Variants in RHOT2 observed in about 807,000 individuals in gnomAD.
RHOT2 encodes ras homolog family member T2.
A neutral mutation model predicts 81.6 loss-of-function variants in RHOT2; 90 were observed. That is an observed-to-expected ratio of 1.10 (90% CI 0.93 to 1.31). RHOT2 has a LOEUF of 1.31. Among genes scored for constraint, RHOT2 ranks in the 40% most tolerant of loss-of-function variants. The probability of loss-of-function intolerance (pLI) is 0.00; values close to 1 mark genes in which losing one functional copy is unlikely to be tolerated. For synonymous variants in RHOT2, 512 were observed against 370.9 expected (o/e 1.38, Z -4.37); for missense variants, 1,014 against 841.9 (o/e 1.20, Z -2.53).
rs754061357 is a variant in RHOT2 at position 670,976 on chromosome 16, C to T, written c.724C>T (p.Arg242Trp). 5.7e-6 allele frequency: 9 copies of T among 1,570,760 alleles called. No homozygotes were observed. Among genetic ancestry groups the T allele is most frequent in the South Asian group, 1.2e-5 (1 of 85,974 alleles). The change falls in exon 10 of 19, where the codon CGG (arginine) becomes TGG (tryptophan). Residue 242 changes from arginine to tryptophan, a missense_variant. Physicochemically the swap from Arg to Trp is moderately radical, Grantham distance 101. Coordinates refer to ENST00000315082, the MANE Select transcript of RHOT2 (RefSeq NM_138769.3). ...GTGCAGGAACGTGGCGGGCGGCGTG[C>T]GGGAGGACCGGCTGACCCTGGATGG... ...VVCRNVAGGV[R>W]EDRLTLDGFL...
chr16:671,280 A>T (rs2038893390), intron 11 of RHOT2, 77 bp downstream of exon 11: 1 of 1,484,460 alleles, frequency 6.7e-7, no homozygotes, highest in Non-Finnish European at 8.9e-7. Flanking sequence ...CCCCTCCATG[A>T]GTGACGCTGG....
chr16:673,512 C>A lies in RHOT2; in HGVS notation c.1763C>A (p.Ser588Tyr), dbSNP rs897387617. 5 of 1,612,594 alleles carry A rather than the reference C, an allele frequency of 3.1e-6. No individual in the cohort carries two copies. The East Asian group carries it at 8.9e-5, about 29-fold the overall frequency. ...GTCCACGCAGAGCTGCATCCCTCTTCCTTCTGGCTCCGGGGGCTGCTGGGG... is the reference window on the plus strand; with the variant it reads ...GTCCACGCAGAGCTGCATCCCTCTTACTTCTGGCTCCGGGGGCTGCTGGGG... ...HLVHAELHPS[S>Y]FWLRGLLGVV... The change falls in exon 19 of 19, where the codon TCC becomes TAC. Residue 588 changes from serine to tyrosine, a missense_variant. Coordinates refer to ENST00000315082, the MANE Select transcript of RHOT2 (RefSeq NM_138769.3).
intron 9 of RHOT2, 22 bp downstream of exon 9, chr16:670,795 G>A (rs529398089): frequency 4.3e-6 from 7 of 1,610,140 alleles, no homozygotes; most frequent in Non-Finnish European, 5.9e-6. Context: ...CCCCACCCTC[G>A]GTGCCCAGCC....
intron 5 of RHOT2, chr16:669,810 A>G (rs571553369): frequency 7.9e-6 from 5 of 632,046 alleles, no homozygotes; most frequent in African/African-American, 7.3e-5. Context: ...AGTCTGAGCC[A>G]TTGAGGCCGG....
intron 17 of RHOT2, 42 bp from the exon 18 acceptor site, chr16:672,886 G>A (rs757232892): frequency 5.4e-5 from 87 of 1,612,244 alleles, no homozygotes; most frequent in Admixed American, 4.7e-4. Flanking sequence ...GCTGTGCCTC[G>A]GCCACCCCAG....
intron 4 of RHOT2, chr16:668,974 CTG>C: frequency 1.9e-6 from 1 of 521,070 alleles, no homozygotes; most frequent in Non-Finnish European, 3.4e-6. Flanking sequence ...CCTGTGGGCT[CTG>C]TGTGCGCCAC....
Position 668,984 on chromosome 16 carries a change from C to T in RHOT2, c.222+285C>T, listed in dbSNP as rs532930564. 202 of 514,128 alleles carry T rather than the reference C, an allele frequency of 3.9e-4. 2 individuals carry two copies. The highest frequency in any genetic ancestry group is 3.9e-3 in the African/African-American group (196 of 49,932). The allele number at this position is 514,128 out of a possible 1,614,324, so 31.8% of individuals were successfully genotyped here. On this transcript the variant is annotated intron_variant, in intron 4 of 18. Transcript: ENST00000315082. ...CTCTTCCTGTGGGCTCTGTGTGCGC[C>T]ACGTCCCCGTGCTGTGTGCTCCAGC...
Position 673,853 on chromosome 16 carries a change from C to A in RHOT2, c.*247C>A. ...TGAGCAGGAGCTCCCAAGTGCCGGC[C>A]ACCGCTGTCAGGGATTGCCCACCCC... is the stretch of plus-strand genomic sequence containing the variant. On this transcript the variant is annotated 3_prime_UTR_variant, in exon 19 of 19. Transcript: ENST00000315082. 1 of 611,860 alleles carries A rather than the reference C, an allele frequency of 1.6e-6. No homozygotes were observed. The highest frequency in any genetic ancestry group is 2.9e-6 in the Non-Finnish European group (1 of 339,000). 37.9% of individuals were successfully genotyped at this position (611,860 alleles called of 1,614,324 possible).
Position 670,696 on chromosome 16 carries a change from G to GCGCTGACGCGCATCTT in RHOT2, c.564_579dup (p.Arg194AlafsTer18). The stretch of plus-strand genomic sequence containing the variant: ...ACAGTTGAGGCCCGCGTGCGCCCAG[G>GCGCTGACGCGCATCTT]CGCTGACGCGCATCTTCAGGCTCTC... On this transcript the variant is annotated frameshift_variant, in exon 9 of 19. Transcript: ENST00000315082. LOFTEE classifies it high-confidence loss of function. 6.2e-7 allele frequency: 1 copy of GCGCTGACGCGCATCTT among 1,612,342 alleles called. No homozygotes were observed. Among genetic ancestry groups the GCGCTGACGCGCATCTT allele is most frequent in the South Asian group, 1.1e-5 (1 of 91,088 alleles).
At position 670,361 on chromosome 16, in the gene RHOT2, A is replaced by C; in HGVS notation, c.438+4A>C. The C allele has an allele frequency of 6.2e-7, 1 of 1,612,310 alleles. No homozygotes were observed. Among genetic ancestry groups the C allele is most frequent in the Non-Finnish European group, 8.5e-7 (1 of 1,179,560 alleles). On this transcript the variant is annotated splice_donor_region_variant and intron_variant, in intron 7 of 18. Transcript: ENST00000315082. The stretch of plus-strand genomic sequence containing the variant: ...CGAGATTGAGACCTGCGTGGAGGTG[A>C]GTAGGTCCCAGGCAGGGCCGCCTCC...
rs1221608175 is a variant in RHOT2 at position 669,114 on chromosome 16, T to C, written c.222+415T>C. The stretch of plus-strand genomic sequence containing the variant: ...GGCCACAGCCACCCAGGGCAGCCCC[T>C]GCTGTTGGCACCCCTCACTGCGGTC... On this transcript the variant is annotated intron_variant, in intron 4 of 18. Transcript: ENST00000315082. 3 of 381,298 alleles carry C rather than the reference T, an allele frequency of 7.9e-6. No homozygotes were observed. The East Asian group carries it at 1.6e-4, about 20-fold the overall frequency. The allele number at this position is 381,298 out of a possible 1,614,324, so 23.6% of individuals were successfully genotyped here. A position where few individuals can be genotyped will look rare whatever the true frequency, so the allele number is the denominator to read the frequency against.
At position 672,987 on chromosome 16, in the gene RHOT2, C is replaced by T. The variant is rs761414143; in HGVS notation, c.1587C>T (p.Pro529=). 88 of 1,612,652 alleles carry T rather than the reference C, an allele frequency of 5.5e-5. No individual in the cohort carries two copies. Among genetic ancestry groups the T allele is most frequent in the Admixed American group, 6.7e-5 (4 of 60,016 alleles). ...CLFVSSKADL[P]EGVAVSGPSP... is the part of the protein sequence containing the mutation. ...TTGTCTCCTCCAAGGCCGACCTGCC[C>T]GAAGGTGTCGCGGTGTCTGGCCCAT... Residue 529 remains proline (P), a synonymous_variant, in exon 18 of 19, where the codon CCC becomes CCT. Transcript: ENST00000315082.
At position 671,718 on chromosome 16, in the gene RHOT2, C is replaced by T. The variant is rs373926551; in HGVS notation, c.891C>T (p.Cys297=). The T allele has an allele frequency of 9.9e-6, 16 of 1,612,388 alleles. No individual in the cohort carries two copies. The highest frequency in any genetic ancestry group is 6.7e-5 in the Admixed American group (4 of 60,000). The stretch of plus-strand genomic sequence containing the variant: ...GCAGGATCCACGTGCCCCCCGGCTG[C>T]AGCACGGAGCTCAACCACCTTGGCT... ...LSPLIHVPPG[C]STELNHLGYQ... is the part of the protein sequence containing the mutation. Residue 297 remains cysteine (C), a synonymous_variant, in exon 12 of 19, where the codon TGC becomes TGT. Transcript: ENST00000315082.
rs768734060 is a variant in RHOT2 at position 670,291 on chromosome 16, G to A, written c.372G>A (p.Ser124=). The A allele has an allele frequency of 3.7e-5, 59 of 1,612,676 alleles. No homozygotes were observed. Among genetic ancestry groups the A allele is most frequent in the Admixed American group, 1.5e-4 (9 of 60,000 alleles). ...ILVGNKSDLR[S]GSSMEAVLPI... The stretch of plus-strand genomic sequence containing the variant: ...TGGGCAACAAGTCAGACCTGCGGTC[G>A]GGGAGCTCCATGGAGGCCGTGCTCC... Residue 124 remains serine, a synonymous_variant, in exon 7 of 19, where the codon TCG becomes TCA. Coordinates refer to ENST00000315082, the MANE Select transcript of RHOT2 (RefSeq NM_138769.3).
Position 673,764 on chromosome 16 carries a change from C to T in RHOT2, c.*158C>T, listed in dbSNP as rs1298698890. On this transcript the variant is annotated 3_prime_UTR_variant, in exon 19 of 19. Transcript: ENST00000315082. Reference sequence around the variant, plus strand: ...TGAAGGCAGTCGATCTGCAGCGGGGCCTTATGCTGCCATGCACTGCCCTGG... The same window carrying T: ...TGAAGGCAGTCGATCTGCAGCGGGGTCTTATGCTGCCATGCACTGCCCTGG... 8 of 900,360 alleles carry T rather than the reference C, an allele frequency of 8.9e-6. No homozygotes were observed. Among genetic ancestry groups the T allele is most frequent in the Non-Finnish European group, 1.3e-5 (8 of 608,064 alleles). The allele number at this position is 900,360 out of a possible 1,614,324, so 55.8% of individuals were successfully genotyped here. A position where few individuals can be genotyped will look rare whatever the true frequency, so the allele number is the denominator to read the frequency against.
intron 4 of RHOT2, 41 bp from the exon 5 acceptor site, chr16:669,511 GC>G: frequency 6.2e-7 from 1 of 1,603,704 alleles, no homozygotes; most frequent in Non-Finnish European, 8.5e-7. Flanking sequence ...TCGGTGGTGA[GC>G]CAGCAGCCCT....
At position 672,381 on chromosome 16, in the gene RHOT2, G is replaced by A. The variant is rs769710671; in HGVS notation, c.1323G>A (p.Leu441=). 2.5e-6 allele frequency: 4 copies of A among 1,609,644 alleles called. No homozygotes were observed. The highest frequency in any genetic ancestry group is 3.4e-6 in the Non-Finnish European group (4 of 1,178,192). ...AFLQAFLGRG[L]GHQDTREQPP... ...TGCAGGCCTTTCTCGGCCGCGGCCTGGGGGTAAGCACCCTAGACTCCCCCA... is the reference window on the plus strand; with the variant it reads ...TGCAGGCCTTTCTCGGCCGCGGCCTAGGGGTAAGCACCCTAGACTCCCCCA... The change falls in exon 15 of 19, where the codon CTG becomes CTA. Residue 441 remains leucine (L), a synonymous_variant. Coordinates refer to ENST00000315082, the MANE Select transcript of RHOT2 (RefSeq NM_138769.3).
Position 673,204 on chromosome 16 carries a change from G to C in RHOT2, c.1730+74G>C, listed in dbSNP as rs963680523. 7.4e-6 allele frequency: 11 copies of C among 1,491,030 alleles called. No individual in the cohort carries two copies. The African/African-American group carries it at 1.4e-4, about 19-fold the overall frequency. 92.4% of individuals were successfully genotyped at this position (1,491,030 alleles called of 1,614,324 possible). ...GAGCAGTGGGCAGCGGTGGTGTCAGGCCTGGAACTGGGGACTAGCAGTGTC... is the reference window on the plus strand; with the variant it reads ...GAGCAGTGGGCAGCGGTGGTGTCAGCCCTGGAACTGGGGACTAGCAGTGTC... On this transcript the variant is annotated intron_variant, in intron 18 of 18. Transcript: ENST00000315082.
At position 673,135 on chromosome 16, in the gene RHOT2, G is replaced by A; in HGVS notation, c.1730+5G>A. 2 of 1,610,042 alleles carry A rather than the reference G, an allele frequency of 1.2e-6. No individual in the cohort carries two copies. Among genetic ancestry groups the A allele is most frequent in the Non-Finnish European group, 1.7e-6 (2 of 1,179,722 alleles). On this transcript the variant is annotated splice_donor_5th_base_variant and intron_variant, in intron 18 of 18. Coordinates refer to ENST00000315082, the MANE Select transcript of RHOT2 (RefSeq NM_138769.3). ...CGCCACCATGGCCGCCTTCCCGTGG[G>A]TACCCAGTAGCGCAGCCCTGGGGAC...
Sources: gnomAD v4.1 joint callset for allele counts on GRCh38, gnomAD v4.1.1 for gene constraint, MANE v1.5 for transcripts, NCBI Gene and HGNC (gene_info 2026-07-23, HGNC 2026-07-21) for gene names.